Variants in NTM observed in about 807,000 individuals in gnomAD.
NTM encodes the protein neurotrimin.
In NTM, 13 loss-of-function variants were observed where a neutral mutation model predicts 42.1. The ratio of observed to expected loss-of-function variants is 0.31; its 90% confidence interval spans 0.20 to 0.49. NTM has a LOEUF of 0.49. Ranked by LOEUF, NTM falls within the 20% of genes least tolerant of loss-of-function variation. The pLI, the probability that NTM is intolerant of heterozygous loss-of-function variation, is 0.99. For synonymous variants in NTM, 187 were observed against 179.2 expected (o/e 1.04, Z -0.35); for missense variants, 373 against 452.8 (o/e 0.82, Z 1.60).
intron 1 of NTM, among the ~76,000 whole-genome samples, chr11:131,677,516 A>T (rs1305125414): frequency 1.3e-5 from 2 of 152,202 alleles, no homozygotes; most frequent in East Asian, 3.9e-4. Flanking sequence ...GCCAGGCAGG[A>T]CGGCTGCATA....
At chr11:132,272,301 C>G (rs1211405182) in intron 4 of NTM, among the ~76,000 whole-genome samples, 1 of 152,052 alleles carries the variant, frequency 6.6e-6, no homozygotes, top group Non-Finnish European at 1.5e-5. Flanking sequence ...TATTTGGAAT[C>G]TGGAAATGTG....
chr11:131,556,545 A>G (rs1167330230), intron 1 of NTM, among the ~76,000 whole-genome samples: 2 of 150,206 alleles, frequency 1.3e-5, no homozygotes. Context: ...ACCACATAAT[A>G]GCACCTAACA....
intron 1 of NTM, among the ~76,000 whole-genome samples, chr11:131,610,839 G>C (rs1305785988): frequency 6.6e-6 from 1 of 152,176 alleles, no homozygotes; most frequent in Non-Finnish European, 1.5e-5. Flanking sequence ...CCTAAATGCT[G>C]GACCAAGGAG....
intron 1 of NTM, among the ~76,000 whole-genome samples, chr11:131,612,468 C>T (rs1434328826): frequency 1.3e-5 from 2 of 152,196 alleles, no homozygotes; most frequent in East Asian, 1.9e-4. Flanking sequence ...TGCTGTGATG[C>T]GTCACCAATC....
intron 3 of NTM, among the ~76,000 whole-genome samples, chr11:132,194,374 G>A (rs189583177): frequency 3.2e-4 from 48 of 152,058 alleles, no homozygotes; most frequent in African/African-American, 9.4e-4. Flanking sequence ...TAACATGATC[G>A]TCTCAATAAA....
At chr11:131,700,939 G>T (rs1212400250) in intron 1 of NTM, among the ~76,000 whole-genome samples, 1 of 152,190 alleles carries the variant, frequency 6.6e-6, no homozygotes, top group Non-Finnish European at 1.5e-5. Context: ...TGTGAATCCT[G>T]GTTCTGCCAT....
intron 1 of NTM, among the ~76,000 whole-genome samples, chr11:131,554,769 A>AT (rs1014192234): frequency 5.9e-5 from 9 of 152,082 alleles, no homozygotes; most frequent in Admixed American, 1.3e-4. Context: ...AATCACCTGG[A>AT]TTTTTCCATC....
chr11:132,134,773 TTATC>T (rs1226568370), intron 2 of NTM, among the ~76,000 whole-genome samples: 2 of 129,008 alleles, frequency 1.6e-5, no homozygotes, highest in African/African-American at 5.5e-5. Context: ...CACATTTTCT[TTATC>T]TATTCATTGA....
At chr11:131,631,429 T>C (rs1477180756) in intron 1 of NTM, among the ~76,000 whole-genome samples, 2 of 152,190 alleles carry the variant, frequency 1.3e-5, no homozygotes, top group African/African-American at 4.8e-5. Context: ...GGTAGATTTT[T>C]AAATAATAAT....
chr11:131,751,386 C>T (rs1473226426), intron 1 of NTM, among the ~76,000 whole-genome samples: 16 of 151,852 alleles, frequency 1.1e-4, no homozygotes, highest in African/African-American at 2.9e-4. Context: ...GTCAGGGGAT[C>T]GAGACCATCC....
chr11:131,689,294 G>T (rs991250569), intron 1 of NTM, among the ~76,000 whole-genome samples: 1 of 152,174 alleles, frequency 6.6e-6, no homozygotes, highest in Non-Finnish European at 1.5e-5. Context: ...GCCCTGCCTT[G>T]CCTCCCCACC....
At chr11:132,303,472 A>T (rs573211012) in intron 4 of NTM, among the ~76,000 whole-genome samples, 2 of 152,284 alleles carry the variant, frequency 1.3e-5, no homozygotes, top group African/African-American at 2.4e-5. Flanking sequence ...ATCCCTTTTT[A>T]TAAGGACACC....
intron 1 of NTM, among the ~76,000 whole-genome samples, chr11:131,832,286 A>T (rs902929019): frequency 1.3e-5 from 2 of 151,984 alleles, no homozygotes; most frequent in African/African-American, 4.8e-5. Flanking sequence ...TCAATGTCAG[A>T]GTCTGAGAGA....
intron 1 of NTM, among the ~76,000 whole-genome samples, chr11:131,851,996 T>C (rs142695272): frequency 0.011 from 1,669 of 152,210 alleles, 30 homozygotes; most frequent in African/African-American, 0.037. Flanking sequence ...GTGCTTGCCA[T>C]GTTGAGGATG....
chr11:131,764,877 A>G (rs1565518626), intron 1 of NTM, among the ~76,000 whole-genome samples: 1 of 152,178 alleles, frequency 6.6e-6, no homozygotes, highest in Non-Finnish European at 1.5e-5. Context: ...AACCTCTAAC[A>G]CAATGAGTGA....
At chr11:131,850,017 C>T (rs528796088) in intron 1 of NTM, among the ~76,000 whole-genome samples, 5 of 151,632 alleles carry the variant, frequency 3.3e-5, no homozygotes, top group African/African-American at 4.9e-5. Context: ...TCTAGAGGCA[C>T]GTAATTTGCA....
intron 1 of NTM, among the ~76,000 whole-genome samples, chr11:131,712,716 T>C (rs2077302403): frequency 6.6e-6 from 1 of 152,092 alleles, no homozygotes; most frequent in African/African-American, 2.4e-5. Context: ...CCCAAGTAGC[T>C]GGGACTACAG....
At chr11:131,920,647 G>A (rs891588922) in intron 2 of NTM, among the ~76,000 whole-genome samples, 7 of 152,166 alleles carry the variant, frequency 4.6e-5, no homozygotes, top group Admixed American at 4.6e-4. Flanking sequence ...GCAACTTGCT[G>A]TCCTATCAGT....
At chr11:132,289,557 T>C (rs1591773008) in intron 4 of NTM, among the ~76,000 whole-genome samples, 1 of 152,172 alleles carries the variant, frequency 6.6e-6, no homozygotes, top group African/African-American at 2.4e-5. Flanking sequence ...CCATACTCCA[T>C]CCCCTCACCC....
Sources: allele counts gnomAD v4.1 joint callset (sites outside exome capture counted in the v4.1 genomes callset), GRCh38; gene constraint gnomAD v4.1.1; transcripts MANE v1.5; gene names NCBI Gene and HGNC (gene_info 2026-07-23, HGNC 2026-07-21).